The following MDGA2 variants were observed in gnomAD, a reference collection of about 807,000 sequenced individuals.
MDGA2 encodes MAM domain-containing glycosylphosphatidylinositol anchor protein 2.
Under a neutral mutation model 117.8 loss-of-function variants are expected in MDGA2, and 40 were observed. The ratio of observed to expected loss-of-function variants is 0.34; its 90% CI spans 0.26 to 0.44. MDGA2 has a LOEUF of 0.44. MDGA2 is among the 20% of genes least tolerant of loss of function. MDGA2 has a pLI of 1.00. For synonymous variants in MDGA2, 452 were observed against 439.0 expected (o/e 1.03, Z -0.37); for missense variants, 1,123 against 1,250.6 (o/e 0.90, Z 1.54).
intron 3 of MDGA2, among the ~76,000 whole-genome samples, chr14:47,173,579 C>T (rs2139333684): frequency 6.6e-6 from 1 of 152,258 alleles, no homozygotes; most frequent in South Asian, 2.1e-4. Flanking sequence ...AAATAAAATA[C>T]TTTACAGACA....
intron 1 of MDGA2, among the ~76,000 whole-genome samples, chr14:47,386,080 G>C (rs773585667): frequency 6.6e-6 from 1 of 151,964 alleles, no homozygotes; most frequent in Non-Finnish European, 1.5e-5. Context: ...TCAGGAGTTC[G>C]AGACCAGCCT....
At chr14:47,361,957 T>C (rs1891135797) in intron 1 of MDGA2, among the ~76,000 whole-genome samples, 1 of 152,226 alleles carries the variant, frequency 6.6e-6, no homozygotes, top group Admixed American at 6.5e-5. Flanking sequence ...GTAAAATATG[T>C]CCTTCCTTTA....
chr14:47,544,049 C>T (rs575856771), intron 1 of MDGA2, among the ~76,000 whole-genome samples: 17 of 152,188 alleles, frequency 1.1e-4, no homozygotes, highest in South Asian at 1.0e-3. Context: ...GCTTTGAGAA[C>T]GGGTCTTATA....
At chr14:47,466,601 A>G (rs1893609483) in intron 1 of MDGA2, among the ~76,000 whole-genome samples, 1 of 152,108 alleles carries the variant, frequency 6.6e-6, no homozygotes, top group Non-Finnish European at 1.5e-5. Flanking sequence ...CCATGGGATA[A>G]CTTGATGCCG....
chr14:47,436,778 A>G (rs7153227), intron 1 of MDGA2, among the ~76,000 whole-genome samples: 42,390 of 152,032 alleles, frequency 0.28, 6,361 homozygotes, highest in Middle Eastern at 0.43. Flanking sequence ...CAGGCAGCCC[A>G]GTGGCCACGG....
At chr14:47,472,505 G>A (rs1034630043) in intron 1 of MDGA2, among the ~76,000 whole-genome samples, 1 of 152,186 alleles carries the variant, frequency 6.6e-6, no homozygotes, top group Non-Finnish European at 1.5e-5. Context: ...CTAATCTTAT[G>A]AGGCCACTGT....
intron 5 of MDGA2, among the ~76,000 whole-genome samples, chr14:47,100,958 G>A (rs1285833976): frequency 1.3e-5 from 2 of 152,010 alleles, no homozygotes; most frequent in Non-Finnish European, 2.9e-5. Context: ...ATAATGGAAG[G>A]CACAGGTCAT....
At chr14:47,404,685 G>A (rs1035900404) in intron 1 of MDGA2, among the ~76,000 whole-genome samples, 4 of 151,890 alleles carry the variant, frequency 2.6e-5, no homozygotes, top group Non-Finnish European at 4.4e-5. Flanking sequence ...GTGGAGATAG[G>A]GTCTCACTAT....
chr14:47,008,134 A>T (rs1489940073), intron 8 of MDGA2, among the ~76,000 whole-genome samples: 2 of 151,882 alleles, frequency 1.3e-5, no homozygotes, highest in Non-Finnish European at 2.9e-5. Flanking sequence ...ACTGAGTCTC[A>T]TTCTATATAT....
At chr14:46,854,144 A>C (rs898880716) in intron 15 of MDGA2, among the ~76,000 whole-genome samples, 3 of 151,690 alleles carry the variant, frequency 2.0e-5, no homozygotes, top group African/African-American at 7.2e-5. Context: ...CCAATTAAAA[A>C]CTGGCACGAT....
chr14:47,370,260 TAACA>T (rs1891316691), intron 1 of MDGA2, among the ~76,000 whole-genome samples: 5 of 149,566 alleles, frequency 3.3e-5, no homozygotes, highest in Non-Finnish European at 5.9e-5. Flanking sequence ...GAAGAGAAAA[TAACA>T]AATAATTACA....
chr14:47,123,654 T>C (rs1309827553), intron 5 of MDGA2, among the ~76,000 whole-genome samples: 1 of 152,004 alleles, frequency 6.6e-6, no homozygotes, highest in Non-Finnish European at 1.5e-5. Context: ...AGGTTAGATA[T>C]AAATATACCT....
chr14:47,298,531 C>T (rs1889153509), intron 2 of MDGA2, among the ~76,000 whole-genome samples: 1 of 152,082 alleles, frequency 6.6e-6, no homozygotes, highest in Non-Finnish European at 1.5e-5. Context: ...GAAAGTCATT[C>T]CAGCTTTCTC....
chr14:46,981,501 T>C (rs1269221617), intron 8 of MDGA2, among the ~76,000 whole-genome samples: 1 of 152,162 alleles, frequency 6.6e-6, no homozygotes, highest in Non-Finnish European at 1.5e-5. Flanking sequence ...TGAGAAATAA[T>C]ACAAAGTCCC....
chr14:47,143,753 A>G (rs1222472423), intron 4 of MDGA2, among the ~76,000 whole-genome samples: 1 of 152,186 alleles, frequency 6.6e-6, no homozygotes, highest in Non-Finnish European at 1.5e-5. Flanking sequence ...TTTGAGAAAT[A>G]CTTTCCACAA....
At chr14:46,960,039 T>G (rs181521215) in intron 8 of MDGA2, among the ~76,000 whole-genome samples, 14 of 151,968 alleles carry the variant, frequency 9.2e-5, no homozygotes, top group Middle Eastern at 3.4e-3. Context: ...CTGGGCAACA[T>G]AGTGAAACCC....
At chr14:47,421,723 C>T (rs1365576389) in intron 1 of MDGA2, among the ~76,000 whole-genome samples, 5 of 152,078 alleles carry the variant, frequency 3.3e-5, no homozygotes, top group Non-Finnish European at 1.5e-5. Flanking sequence ...AGAAACCTCT[C>T]ATGAAGACTA....
intron 1 of MDGA2, among the ~76,000 whole-genome samples, chr14:47,497,390 G>A (rs1321318390): frequency 6.6e-6 from 1 of 152,060 alleles, no homozygotes; most frequent in Non-Finnish European, 1.5e-5. Flanking sequence ...CTGAGTAACT[G>A]AGATTACAGG....
intron 10 of MDGA2, 51 bp downstream of exon 10, chr14:46,919,961 G>A (rs1884061217): frequency 4.0e-6 from 6 of 1,484,112 alleles, no homozygotes; most frequent in Non-Finnish European, 5.4e-6. Context: ...ATAACAACAA[G>A]GTCTTCACAG....
Sources: gnomAD v4.1 joint callset for allele counts (sites outside exome capture counted in the v4.1 genomes callset) on GRCh38, gnomAD v4.1.1 for gene constraint, MANE v1.5 for transcripts, NCBI Gene and HGNC (gene_info 2026-07-23, HGNC 2026-07-21) for gene names.